The following CDH18 variants were observed in gnomAD, a reference collection of about 807,000 sequenced individuals.
CDH18 encodes cadherin-18.
In CDH18, 31 loss-of-function variants were observed where a neutral mutation model predicts 67.9. The ratio of observed to expected loss-of-function variants is 0.46; its 90% confidence interval spans 0.34 to 0.62. The LOEUF (loss-of-function observed/expected upper bound fraction) is 0.62. Ranked by LOEUF, CDH18 falls within the 20% of genes least tolerant of loss-of-function variation. The pLI is 0.01. For synonymous variants in CDH18, 362 were observed against 347.2 expected (o/e 1.04, Z -0.48); for missense variants, 890 against 975.5 (o/e 0.91, Z 1.17).
At chr5:20,108,447 G>C (rs1324213673) in intron 2 of CDH18, among the ~76,000 whole-genome samples, 1 of 152,030 alleles carries the variant, frequency 6.6e-6, no homozygotes, top group East Asian at 1.9e-4. Flanking sequence ...GGAACTAGGG[G>C]TTAGGACTCC....
At chr5:19,685,033 T>C (rs886771325) in intron 5 of CDH18, among the ~76,000 whole-genome samples, 2 of 152,136 alleles carry the variant, frequency 1.3e-5, no homozygotes, top group African/African-American at 4.8e-5. Context: ...TGTCCTAACC[T>C]GAAACAACTG....
intron 1 of CDH18, among the ~76,000 whole-genome samples, chr5:20,323,993 A>G (rs1738291591): frequency 6.6e-6 from 1 of 152,218 alleles, no homozygotes; most frequent in African/African-American, 2.4e-5. Flanking sequence ...CTAATGACAC[A>G]AAAGTGGCAG....
chr5:20,047,017 A>G (rs1740964913), intron 2 of CDH18, among the ~76,000 whole-genome samples: 1 of 152,014 alleles, frequency 6.6e-6, no homozygotes, highest in Admixed American at 6.6e-5. Context: ...AAAAAAAACA[A>G]AAAGAAAGAA....
intron 2 of CDH18, among the ~76,000 whole-genome samples, chr5:20,101,601 A>T (rs1415197107): frequency 1.3e-5 from 2 of 152,224 alleles, no homozygotes; most frequent in Non-Finnish European, 2.9e-5. Flanking sequence ...AATTACCAGC[A>T]ATAATGACAA....
intron 1 of CDH18, among the ~76,000 whole-genome samples, chr5:20,334,563 G>C (rs956794200): frequency 1.3e-5 from 2 of 152,020 alleles, no homozygotes; most frequent in African/African-American, 4.8e-5. Flanking sequence ...AAGAGGGAAC[G>C]ACATGAGTCC....
intron 3 of CDH18, among the ~76,000 whole-genome samples, chr5:19,761,574 G>T (rs934824044): frequency 6.6e-6 from 1 of 151,832 alleles, no homozygotes; most frequent in African/African-American, 2.4e-5. Flanking sequence ...AAAAAAAACT[G>T]CCCAACAAAA....
chr5:20,400,504 C>A lies in CDH18; in HGVS notation c.-579-144999G>T, dbSNP rs144295443. On this transcript the variant is annotated intron_variant, in intron 1 of 14. Transcript: ENST00000507958. ...AAATAAATAAATAAATAAATAAATA[C>A]ATAAAAAGAATGTTCACAGACCAAA... Among the ~76,000 whole-genome samples the A allele has an allele frequency of 2.1e-3, 315 of 150,008 alleles. 4 individuals carry two copies. The highest frequency in any genetic ancestry group is 7.1e-3 in the African/African-American group (289 of 40,456).
rs1769281157 is a variant in CDH18, at chr5:19,742,065, C to T, written c.523+4877G>A. ...CATGCAAATCTTACATTAAGACATG[C>T]TTTAGAAACCACTTCAGTTTATTTT... On this transcript the variant is annotated intron_variant, in intron 4 of 12. Coordinates refer to ENST00000382275, the MANE Select transcript of CDH18 (RefSeq NM_004934.5). 2.6e-5 allele frequency among the ~76,000 whole-genome samples: 4 copies of T among 152,096 alleles called. No homozygotes were observed. In the South Asian group the frequency reaches 8.3e-4, roughly 32 times the overall value.
At chr5:20,343,919 C>T (rs954087158) in intron 1 of CDH18, among the ~76,000 whole-genome samples, 2 of 152,024 alleles carry the variant, frequency 1.3e-5, no homozygotes, top group Admixed American at 1.3e-4. Flanking sequence ...GTAAAATAAC[C>T]AAAAGAAACA....
chr5:20,367,315 C>G (rs1333354268), intron 1 of CDH18, among the ~76,000 whole-genome samples: 1 of 152,078 alleles, frequency 6.6e-6, no homozygotes, highest in African/African-American at 2.4e-5. Flanking sequence ...AAACCTCAAG[C>G]ACACCAGACC....
At chr5:19,814,574 G>A (rs1053242129) in intron 3 of CDH18, among the ~76,000 whole-genome samples, 2 of 151,896 alleles carry the variant, frequency 1.3e-5, no homozygotes, top group African/African-American at 4.8e-5. Context: ...TCCCAGGAGG[G>A]CGTTAAAACT....
In CDH18 at chr5:19,473,822, T is replaced by C. The variant is rs917918810; in HGVS notation, c.1883-106A>G. 1.3e-5 allele frequency: 12 copies of C among 936,248 alleles called. No individual in the cohort carries two copies. In the African/African-American group the frequency reaches 1.5e-4, roughly 12 times the overall value. The allele number at this position is 936,248 out of a possible 1,614,324, so 58.0% of individuals were successfully genotyped here. ...TTTTCCCATTCGTCATTAACCACAT[T>C]CCAGAGTTAGGCTGGCATTGCAGCA... On this transcript the variant is annotated intron_variant, in intron 12 of 12. Transcript: ENST00000382275.
At chr5:20,276,897 G>T (rs1258071437) in intron 1 of CDH18, among the ~76,000 whole-genome samples, 1 of 152,136 alleles carries the variant, frequency 6.6e-6, no homozygotes, top group African/African-American at 2.4e-5. Flanking sequence ...CCACAGGCCT[G>T]TGGTGGTAGT....
intron 1 of CDH18, among the ~76,000 whole-genome samples, chr5:20,529,519 C>T (rs910430145): frequency 6.6e-6 from 1 of 151,790 alleles, no homozygotes; most frequent in Non-Finnish European, 1.5e-5. Flanking sequence ...AATCCAGCAG[C>T]ACGTCTAAAA....
At chr5:19,946,179 G>A (rs958907252) in intron 2 of CDH18, among the ~76,000 whole-genome samples, 2 of 152,078 alleles carry the variant, frequency 1.3e-5, no homozygotes, top group African/African-American at 2.4e-5. Flanking sequence ...TAAAGCCATC[G>A]AGGCCTGAAG....
rs1465970616 is a variant in CDH18, at chr5:19,833,518, C to A, written c.228+5241G>T. On this transcript the variant is annotated intron_variant, in intron 3 of 12. Coordinates refer to ENST00000382275, the MANE Select transcript of CDH18 (RefSeq NM_004934.5). ...CTATCTGAATACCTTTTATTTCTTT[C>A]TCTTGCCTGATTGCCCTGGCCAGAA... is the stretch of plus-strand genomic sequence containing the variant. 2.0e-5 allele frequency among the ~76,000 whole-genome samples: 3 copies of A among 152,152 alleles called. No individual in the cohort carries two copies. In the East Asian group the frequency reaches 5.8e-4, roughly 29 times the overall value.
chr5:20,411,583 C>A (rs1410208562), intron 1 of CDH18, among the ~76,000 whole-genome samples: 2 of 150,494 alleles, frequency 1.3e-5, no homozygotes, highest in African/African-American at 4.9e-5. Flanking sequence ...GTATGAACAG[C>A]AAAATGATGG....
At chr5:20,519,227 G>T (rs952591409) in intron 1 of CDH18, among the ~76,000 whole-genome samples, 1 of 151,968 alleles carries the variant, frequency 6.6e-6, no homozygotes, top group African/African-American at 2.4e-5. Context: ...AATTAAAAAG[G>T]AGTCAACAAT....
chr5:19,656,802 T>A (rs1469664065), intron 5 of CDH18, among the ~76,000 whole-genome samples: 2 of 151,986 alleles, frequency 1.3e-5, no homozygotes, highest in Non-Finnish European at 2.9e-5. Context: ...CAGTGCTAGG[T>A]TAAATTCCAA....
Sources: allele counts gnomAD v4.1 joint callset (sites outside exome capture counted in the v4.1 genomes callset), GRCh38; gene constraint gnomAD v4.1.1; transcripts MANE v1.5; gene names NCBI Gene and HGNC (gene_info 2026-07-23, HGNC 2026-07-21).